Variants in GRAMD2B observed in about 807,000 individuals in gnomAD.
The protein encoded by GRAMD2B is GRAM domain containing 2B, also known as GRAM domain-containing protein 2B.
Under a neutral mutation model 59.2 loss-of-function variants are expected in GRAMD2B, and 41 were observed. The ratio of observed to expected loss-of-function variants is 0.69; its 90% CI spans 0.54 to 0.90. The LOEUF is 0.90. Ranked by LOEUF, GRAMD2B falls within the 40% of genes least tolerant of loss-of-function variation. The pLI is 0.00. For missense variants in GRAMD2B, 424 were observed against 500.5 expected (o/e 0.85, Z 1.46); for synonymous variants, 161 against 182.7 (o/e 0.88, Z 0.96).
upstream of GRAMD2B, among the ~76,000 whole-genome samples, chr5:126,422,624 T>G (rs1468684152): frequency 6.6e-6 from 1 of 152,178 alleles, no homozygotes; most frequent in East Asian, 1.9e-4. Context: ...CACCCCTGAT[T>G]GAGAACAATG....
chr5:126,374,081 G>A (rs1267336916), intron 1 of GRAMD2B, among the ~76,000 whole-genome samples: 2 of 152,176 alleles, frequency 1.3e-5, no homozygotes, highest in Non-Finnish European at 2.9e-5. Flanking sequence ...GTACATTGTG[G>A]AAGGGTGTCT....
chr5:126,378,095 C>A (rs1755356125), intron 1 of GRAMD2B, among the ~76,000 whole-genome samples: 2 of 152,168 alleles, frequency 1.3e-5, no homozygotes, highest in South Asian at 4.2e-4. Flanking sequence ...AAGGCACAAA[C>A]CCGAAGTAAT....
intron 1 of GRAMD2B, among the ~76,000 whole-genome samples, chr5:126,381,629 C>A (rs975931868): frequency 6.6e-6 from 1 of 152,164 alleles, no homozygotes; most frequent in Admixed American, 6.5e-5. Flanking sequence ...TGGTTAGTGA[C>A]ATCTTATCCA....
chr5:126,484,629 G>A, intron 10 of GRAMD2B, 105 bp downstream of exon 10: 3 of 1,182,968 alleles, frequency 2.5e-6, no homozygotes, highest in Non-Finnish European at 3.5e-6. Context: ...CACCCAGGCT[G>A]CTGTAGTGCA....
chr5:126,422,439 T>C (rs1000656315), upstream of GRAMD2B, among the ~76,000 whole-genome samples: 4 of 152,184 alleles, frequency 2.6e-5, no homozygotes, highest in Non-Finnish European at 4.4e-5. Flanking sequence ...CCTCAAATGA[T>C]CCACCCGCCT....
At chr5:126,390,745 C>T (rs1490991116) in intron 1 of GRAMD2B, among the ~76,000 whole-genome samples, 1 of 152,154 alleles carries the variant, frequency 6.6e-6, no homozygotes, top group Non-Finnish European at 1.5e-5. Flanking sequence ...ATGATAACAA[C>T]CTAACATTTA....
intron 1 of GRAMD2B, among the ~76,000 whole-genome samples, chr5:126,462,106 A>G (rs371746479): frequency 6.6e-6 from 1 of 152,200 alleles, no homozygotes; most frequent in East Asian, 1.9e-4. Context: ...AGTCCAGTAA[A>G]TATTTGTTGA....
chr5:126,488,248 G>C (rs1031969446), intron 12 of GRAMD2B, among the ~76,000 whole-genome samples: 1 of 152,164 alleles, frequency 6.6e-6, no homozygotes, highest in Non-Finnish European at 1.5e-5. Flanking sequence ...TATTGGCATA[G>C]AGATAAGAAG....
At chr5:126,409,140 C>T (rs1246953416) in intron 1 of GRAMD2B, among the ~76,000 whole-genome samples, 1 of 151,878 alleles carries the variant, frequency 6.6e-6, no homozygotes, top group South Asian at 2.1e-4. Flanking sequence ...AATAGTGCCG[C>T]AATAAACACG....
intron 1 of GRAMD2B, among the ~76,000 whole-genome samples, chr5:126,417,439 C>A (rs1580864180): frequency 6.6e-6 from 1 of 152,350 alleles, no homozygotes; most frequent in East Asian, 1.9e-4. Context: ...TTCAGCTCTT[C>A]CAGCCATCCC....
intron 3 of GRAMD2B, 77 bp from the exon 4 acceptor site, chr5:126,472,161 T>A: frequency 8.8e-7 from 1 of 1,136,308 alleles, no homozygotes; most frequent in Non-Finnish European, 1.3e-6. Flanking sequence ...GGAGGGAAAA[T>A]TTGTTGTTGA....
intron 13 of GRAMD2B, among the ~76,000 whole-genome samples, chr5:126,490,555 G>T (rs1211092206): frequency 1.3e-5 from 2 of 152,194 alleles, no homozygotes; most frequent in African/African-American, 4.8e-5. Context: ...GGGTCAAAAT[G>T]CGCGTGTTGA....
chr5:126,369,629 G>A (rs1332068528), upstream of GRAMD2B, among the ~76,000 whole-genome samples: 1 of 152,124 alleles, frequency 6.6e-6, no homozygotes, highest in East Asian at 1.9e-4. Context: ...GCTGCAGCTA[G>A]CAAAGAGCTT....
At chr5:126,384,066 C>A (rs1244862878) in intron 1 of GRAMD2B, among the ~76,000 whole-genome samples, 1 of 152,162 alleles carries the variant, frequency 6.6e-6, no homozygotes, top group Non-Finnish European at 1.5e-5. Flanking sequence ...CAAATACATT[C>A]TTTCCTCTCT....
chr5:126,442,766 C>A, intron 1 of GRAMD2B, among the ~76,000 whole-genome samples: 1 of 152,106 alleles, frequency 6.6e-6, no homozygotes, highest in East Asian at 1.9e-4. Context: ...TACTTCTCTT[C>A]TTTAAAGATT....
rs73330482 is a variant in GRAMD2B, at chr5:126,365,618, C to T, written c.128+5159C>T. 9.9e-3 allele frequency among the ~76,000 whole-genome samples: 1,499 copies of T among 152,078 alleles called. 22 individuals carry two copies. Among genetic ancestry groups the T allele is most frequent in the African/African-American group, 0.034 (1,415 of 41,474 alleles). On this transcript the variant is annotated intron_variant, in intron 1 of 13. Coordinates refer to the GRAMD2B transcript ENST00000513040. ...ATTACAGGCTCAATTCCCAAAGTCACGTTCAGTGTATCATGTCAGCAGCTT... is the reference window on the plus strand; with the variant it reads ...ATTACAGGCTCAATTCCCAAAGTCATGTTCAGTGTATCATGTCAGCAGCTT...
chr5:126,416,754 C>CA (rs1308392651), intron 1 of GRAMD2B, among the ~76,000 whole-genome samples: 3 of 152,174 alleles, frequency 2.0e-5, no homozygotes, highest in Non-Finnish European at 4.4e-5. Context: ...CTCTGGCTGG[C>CA]AAGCTCTGCA....
At chr5:126,449,661 G>A (rs2126668026) in intron 1 of GRAMD2B, among the ~76,000 whole-genome samples, 1 of 152,274 alleles carries the variant, frequency 6.6e-6, no homozygotes, top group East Asian at 1.9e-4. Context: ...AAGTGACAGT[G>A]TCTTTCTTCT....
chr5:126,398,905 T>C (rs566965141), intron 1 of GRAMD2B, among the ~76,000 whole-genome samples: 1 of 152,342 alleles, frequency 6.6e-6, no homozygotes, highest in East Asian at 1.9e-4. Flanking sequence ...TTTGTGAATT[T>C]TACAGTTTTC....
Sources: allele counts gnomAD v4.1 joint callset (sites outside exome capture counted in the v4.1 genomes callset), GRCh38; gene constraint gnomAD v4.1.1; transcripts MANE v1.5; gene names NCBI Gene and HGNC (gene_info 2026-07-23, HGNC 2026-07-21).